The following FAM178B variants were observed in gnomAD, a reference collection of about 807,000 sequenced individuals.
FAM178B encodes protein FAM178B.
A neutral mutation model predicts 91.7 loss-of-function variants in FAM178B; 82 were observed. The observed-to-expected ratio is 0.89, with a 90% CI of 0.75 to 1.07. The LOEUF is 1.07. Among genes scored for constraint, FAM178B ranks in the 50% least tolerant of loss-of-function variants. The pLI, the probability that FAM178B is intolerant of heterozygous loss-of-function variation, is 0.00. For missense variants in FAM178B, 769 were observed against 846.7 expected (o/e 0.91, Z 1.14); for synonymous variants, 368 against 359.4 (o/e 1.02, Z -0.27).
Position 96,972,290 on chromosome 2 carries a change from G to A in FAM178B, c.175C>T (p.Leu59=). ...GACAAGCCATCCTCCAGGTTGTACA[G>A]GAGGATGGGCACGGTGGCGGCAGCC... ...VQAAATVPIL[L]YNLEDGLSDH... The change falls in exon 3 of 17, where the codon CTG becomes TTG. Residue 59 remains leucine (L), a synonymous_variant. Transcript: ENST00000490605. The A allele has an allele frequency of 1.4e-6, 2 of 1,481,008 alleles. No individual in the cohort carries two copies. Among genetic ancestry groups the A allele is most frequent in the Admixed American group, 2.5e-5 (1 of 40,128 alleles). The allele number at this position is 1,481,008 out of a possible 1,614,324, so 91.7% of individuals were successfully genotyped here.
intron 1 of FAM178B, among the ~76,000 whole-genome samples, chr2:96,981,534 G>A (rs1046797398): frequency 3.3e-5 from 5 of 151,968 alleles, no homozygotes; most frequent in South Asian, 4.2e-4. Flanking sequence ...GGCAGATCAC[G>A]AGGTGAGGAG....
intron 12 of FAM178B, among the ~76,000 whole-genome samples, chr2:96,905,854 A>ATGTG (rs2081039366): frequency 4.6e-5 from 1 of 21,662 alleles, no homozygotes; most frequent in Non-Finnish European, 7.5e-5. Flanking sequence ...ATATATATAT[A>ATGTG]TATATATTTT....
At chr2:96,970,805 A>T (rs747561113) in intron 3 of FAM178B, 28 bp from the exon 4 acceptor site, 1 of 1,497,992 alleles carries the variant, frequency 6.7e-7, no homozygotes, top group South Asian at 1.2e-5. Flanking sequence ...GGGAATGAGG[A>T]CGACAGAGAA....
intron 14 of FAM178B, among the ~76,000 whole-genome samples, chr2:96,883,097 C>A (rs920562718): frequency 5.9e-5 from 9 of 152,190 alleles, no homozygotes; most frequent in African/African-American, 1.9e-4. Flanking sequence ...GCCGTGCCCT[C>A]CCCCTGGGGA....
chr2:96,912,180 A>G (rs950597159), intron 12 of FAM178B, among the ~76,000 whole-genome samples: 8 of 152,174 alleles, frequency 5.3e-5, no homozygotes, highest in Non-Finnish European at 8.8e-5. Context: ...AGGACTCCGG[A>G]GCCAGCAGGG....
chr2:96,934,690 C>T (rs565827296), intron 8 of FAM178B, among the ~76,000 whole-genome samples: 3 of 152,316 alleles, frequency 2.0e-5, no homozygotes, highest in South Asian at 4.1e-4. Flanking sequence ...GGAGACACTG[C>T]GAAATGCTGA....
chr2:96,896,343 C>T (rs1299724139), intron 13 of FAM178B, among the ~76,000 whole-genome samples: 4 of 152,194 alleles, frequency 2.6e-5, no homozygotes, highest in African/African-American at 7.2e-5. Flanking sequence ...TTGTGCCTTC[C>T]GATTGTTTAT....
chr2:96,878,612 C>T, intron 14 of FAM178B, 119 bp from the exon 15 acceptor site: 1 of 869,404 alleles, frequency 1.2e-6, no homozygotes, highest in Non-Finnish European at 1.8e-6. Flanking sequence ...GCTCAGTCAC[C>T]CCTAGGCTTT....
At chr2:96,985,323 T>G (rs1171445272) in intron 1 of FAM178B, among the ~76,000 whole-genome samples, 3 of 152,180 alleles carry the variant, frequency 2.0e-5, no homozygotes, top group Non-Finnish European at 4.4e-5. Flanking sequence ...CTCCTTGACT[T>G]GGCCATGCTC....
chr2:96,924,728 C>T (rs536677759), intron 9 of FAM178B, among the ~76,000 whole-genome samples: 1 of 152,338 alleles, frequency 6.6e-6, no homozygotes, highest in African/African-American at 2.4e-5. Flanking sequence ...TGCTGTCTCA[C>T]CCACTTCTCC....
At chr2:96,939,563 G>A (rs922544178) in intron 8 of FAM178B, among the ~76,000 whole-genome samples, 3 of 152,200 alleles carry the variant, frequency 2.0e-5, no homozygotes, top group Non-Finnish European at 4.4e-5. Context: ...CTGCTGAGGG[G>A]AAGGAGGAGA....
intron 12 of FAM178B, among the ~76,000 whole-genome samples, chr2:96,913,951 A>G (rs886875732): frequency 1.3e-5 from 2 of 152,252 alleles, no homozygotes; most frequent in African/African-American, 4.8e-5. Flanking sequence ...CAACACAGGA[A>G]GGAAGCCCAC....
At chr2:96,877,046 T>C (rs1422775503) in intron 16 of FAM178B, among the ~76,000 whole-genome samples, 1 of 152,090 alleles carries the variant, frequency 6.6e-6, no homozygotes, top group East Asian at 1.9e-4. Context: ...ATCTGTAAAA[T>C]GGGCTCCTGA....
chr2:96,917,424 T>TG (rs1235427629), intron 12 of FAM178B, among the ~76,000 whole-genome samples: 1 of 152,202 alleles, frequency 6.6e-6, no homozygotes, highest in Non-Finnish European at 1.5e-5. Flanking sequence ...CCATGGGCCC[T>TG]GGAGCTACCC....
chr2:96,905,840 ATATATATATATATATATATATTTTTTTTT>A lies in FAM178B; in HGVS notation c.1563-3162_1563-3134del, dbSNP rs1281731690. The stretch of plus-strand genomic sequence containing the variant: ...TGTGTATATATATATATATATATAT[ATATATATATATATATATATATTTTTTTTT>A]TTTTTTTTTTTTTTTTTTTGAGATG... On this transcript the variant is annotated intron_variant, in intron 12 of 16. Transcript: ENST00000490605. 1.6e-3 allele frequency among the ~76,000 whole-genome samples: 43 copies of A among 27,684 alleles called. 2 individuals carry two copies. The highest frequency in any genetic ancestry group is 3.5e-3 in the Non-Finnish European group (37 of 10,614). 18.2% of individuals were successfully genotyped at this position (27,684 alleles called of 152,430 possible).
chr2:96,969,325 C>G (rs1174971574), intron 4 of FAM178B, among the ~76,000 whole-genome samples: 1 of 152,182 alleles, frequency 6.6e-6, no homozygotes, highest in Non-Finnish European at 1.5e-5. Flanking sequence ...AGGCCCTGAT[C>G]CCACAGGATT....
intron 5 of FAM178B, among the ~76,000 whole-genome samples, chr2:96,966,361 CAT>C (rs913340034): frequency 3.3e-5 from 5 of 152,118 alleles, no homozygotes; most frequent in African/African-American, 9.7e-5. Flanking sequence ...TCAAAGCCCA[CAT>C]GATTAGAGCC....
intron 8 of FAM178B, among the ~76,000 whole-genome samples, chr2:96,945,239 C>T (rs1287228821): frequency 6.6e-6 from 1 of 152,190 alleles, no homozygotes; most frequent in Non-Finnish European, 1.5e-5. Flanking sequence ...TGTTGCTTCT[C>T]AATCCAGGAA....
chr2:96,947,540 T>G (rs906995329), intron 8 of FAM178B, among the ~76,000 whole-genome samples: 10 of 152,218 alleles, frequency 6.6e-5, no homozygotes, highest in African/African-American at 2.4e-4. Context: ...CTGAACCCAC[T>G]GTCCTGGACT....
Sources: allele counts gnomAD v4.1 joint callset (sites outside exome capture counted in the v4.1 genomes callset), GRCh38; gene constraint gnomAD v4.1.1; transcripts MANE v1.5; gene names NCBI Gene and HGNC (gene_info 2026-07-23, HGNC 2026-07-21).